Variants in SLC24A2 observed in about 807,000 individuals in gnomAD.
SLC24A2 encodes sodium/potassium/calcium exchanger 2.
A neutral mutation model predicts 62.0 loss-of-function variants in SLC24A2; 36 were observed. The observed-to-expected ratio is 0.58, with a 90% CI of 0.44 to 0.77. SLC24A2 has a LOEUF of 0.77. SLC24A2 is among the 30% of genes least tolerant of loss of function. SLC24A2 has a pLI of 0.00. For synonymous variants in SLC24A2, 358 were observed against 294.0 expected (o/e 1.22, Z -2.23); for missense variants, 846 against 817.9 (o/e 1.03, Z -0.42).
intron 2 of SLC24A2, among the ~76,000 whole-genome samples, chr9:19,759,504 A>G (rs1340775811): frequency 6.6e-6 from 1 of 152,238 alleles, no homozygotes; most frequent in Non-Finnish European, 1.5e-5. Context: ...TCAGTTCACA[A>G]AACAGTGTTT....
chr9:20,160,053 C>A, the SLC24A2 span, among the ~76,000 whole-genome samples: 1 of 151,124 alleles, frequency 6.6e-6, no homozygotes, highest in Non-Finnish European at 1.5e-5. Flanking sequence ...AAGACTCACA[C>A]CTAAAACAGT....
At chr9:20,164,615 C>A in the SLC24A2 span, among the ~76,000 whole-genome samples, 7 of 151,124 alleles carry the variant, frequency 4.6e-5, no homozygotes, top group African/African-American at 9.7e-5. Flanking sequence ...ACCATTTGAC[C>A]CAGCCATCCC....
intron 2 of SLC24A2, among the ~76,000 whole-genome samples, chr9:19,678,710 G>C (rs1219590657): frequency 6.6e-6 from 1 of 152,134 alleles, no homozygotes; most frequent in Non-Finnish European, 1.5e-5. Context: ...GTTCATACAT[G>C]CTGGCATTTT....
the SLC24A2 span, among the ~76,000 whole-genome samples, chr9:20,161,842 A>C: frequency 1.3e-5 from 2 of 151,490 alleles, no homozygotes; most frequent in Non-Finnish European, 3.0e-5. Context: ...GTTAATGAGG[A>C]TATGCTACAT....
the SLC24A2 span, among the ~76,000 whole-genome samples, chr9:19,917,883 A>G: frequency 6.6e-6 from 1 of 152,138 alleles, no homozygotes; most frequent in African/African-American, 2.4e-5. Context: ...TAACAACAGT[A>G]TTATATAAGT....
At chr9:20,146,715 C>T in the SLC24A2 span, among the ~76,000 whole-genome samples, 1 of 152,098 alleles carries the variant, frequency 6.6e-6, no homozygotes, top group African/African-American at 2.4e-5. Context: ...ATGATCAACA[C>T]CTCACCTCCA....
chr9:19,837,194 T>A, the SLC24A2 span, among the ~76,000 whole-genome samples: 1 of 151,888 alleles, frequency 6.6e-6, no homozygotes, highest in Non-Finnish European at 1.5e-5. Context: ...GGCTCACGCC[T>A]GTAATCCCAG....
At chr9:19,940,455 G>T in the SLC24A2 span, among the ~76,000 whole-genome samples, 1 of 152,146 alleles carries the variant, frequency 6.6e-6, no homozygotes, top group Non-Finnish European at 1.5e-5. Context: ...TAGGTAAATT[G>T]TATGTTCTTA....
At chr9:19,958,262 G>GGATCCA in the SLC24A2 span, 1 of 152,200 alleles carries the variant, frequency 6.6e-6, no homozygotes, top group Non-Finnish European at 1.5e-5. Flanking sequence ...TGAAAAACTA[G>GGATCCA]GATCCAGGTG....
chr9:19,705,603 CA>C, intron 2 of SLC24A2: 4 of 229,010 alleles, frequency 1.7e-5, no homozygotes. Context: ...AGCCACAGCT[CA>C]AAAGGCAAAA....
the SLC24A2 span, among the ~76,000 whole-genome samples, chr9:20,206,032 A>C: frequency 6.6e-6 from 1 of 152,200 alleles, no homozygotes; most frequent in Admixed American, 6.5e-5. Flanking sequence ...ACTAATACCT[A>C]ATGTTACAAA....
chr9:19,807,067 C>G, the SLC24A2 span, among the ~76,000 whole-genome samples: 3 of 152,170 alleles, frequency 2.0e-5, no homozygotes, highest in Admixed American at 6.5e-5. Context: ...GCTAATTTTA[C>G]ACTACATCTT....
intron 2 of SLC24A2, among the ~76,000 whole-genome samples, chr9:19,662,853 G>A (rs1819141741): frequency 6.6e-6 from 1 of 152,060 alleles, no homozygotes; most frequent in Admixed American, 6.5e-5. Flanking sequence ...TTCATTCACT[G>A]CCCCATGAGC....
chr9:20,040,679 G>A, the SLC24A2 span, among the ~76,000 whole-genome samples: 1 of 152,226 alleles, frequency 6.6e-6, no homozygotes, highest in East Asian at 1.9e-4. Flanking sequence ...CTAAGTGGTT[G>A]CAGAACTAGC....
At chr9:19,520,476 T>C (rs1211856226) in intron 10 of SLC24A2, among the ~76,000 whole-genome samples, 1 of 152,150 alleles carries the variant, frequency 6.6e-6, no homozygotes. Flanking sequence ...AAACAGGATA[T>C]GTATGGTAGG....
chr9:19,531,487 C>T (rs1166108700), intron 8 of SLC24A2, among the ~76,000 whole-genome samples: 2 of 152,156 alleles, frequency 1.3e-5, no homozygotes, highest in African/African-American at 4.8e-5. Flanking sequence ...ATTTTGTGCC[C>T]ATGTTGTGGT....
At chr9:19,874,226 T>C in the SLC24A2 span, among the ~76,000 whole-genome samples, 1 of 151,962 alleles carries the variant, frequency 6.6e-6, no homozygotes, top group Non-Finnish European at 1.5e-5. Flanking sequence ...ATGACAGGCG[T>C]CAGCCACCAC....
the SLC24A2 span, among the ~76,000 whole-genome samples, chr9:20,010,623 A>T: frequency 6.6e-6 from 1 of 152,110 alleles, no homozygotes; most frequent in Non-Finnish European, 1.5e-5. Flanking sequence ...CTTTTTTTTA[A>T]TTATACTTTA....
At chr9:20,174,203 A>G in the SLC24A2 span, among the ~76,000 whole-genome samples, 1 of 152,256 alleles carries the variant, frequency 6.6e-6, no homozygotes, top group African/African-American at 2.4e-5. Flanking sequence ...TCAACTCAAG[A>G]CGGATTAAGG....
Sources: gnomAD v4.1 joint callset for allele counts (sites outside exome capture counted in the v4.1 genomes callset) on GRCh38, gnomAD v4.1.1 for gene constraint, MANE v1.5 for transcripts, NCBI Gene and HGNC (gene_info 2026-07-23, HGNC 2026-07-21) for gene names.